The following CFAP20DC variants were observed in gnomAD, a reference collection of about 807,000 sequenced individuals.
CFAP20DC encodes the protein protein CFAP20DC.
A neutral mutation model predicts 101.7 loss-of-function variants in CFAP20DC; 84 were observed. The observed-to-expected ratio is 0.83, with a 90% CI of 0.69 to 0.99. CFAP20DC has a LOEUF of 0.99. Among genes scored for constraint, CFAP20DC ranks in the 50% least tolerant of loss-of-function variants. CFAP20DC has a pLI of 0.00. For synonymous variants in CFAP20DC, 359 were observed against 351.2 expected (o/e 1.02, Z -0.25); for missense variants, 1,007 against 970.3 (o/e 1.04, Z -0.50).
rs561510095 is a variant in CFAP20DC at position 58,917,828 on chromosome 3, G to A, written c.394-3964C>T. The stretch of plus-strand genomic sequence containing the variant: ...AATTTCCCTAGGAAAAGCAAATCAT[G>A]ACAAGTCCTTCTATGGAGAGAGGAG... On this transcript the variant is annotated intron_variant, in intron 5 of 16. Coordinates refer to ENST00000482387, the MANE Select transcript of CFAP20DC (RefSeq NM_001394063.1). Among the ~76,000 whole-genome samples the A allele has an allele frequency of 2.0e-4, 31 of 152,262 alleles. No homozygotes were observed. In the South Asian group the frequency reaches 5.2e-3, roughly 25 times the overall value.
At chr3:58,891,216 G>C (rs1301535362) in intron 6 of CFAP20DC, among the ~76,000 whole-genome samples, 2 of 151,932 alleles carry the variant, frequency 1.3e-5, no homozygotes, top group Non-Finnish European at 2.9e-5. Context: ...CGCGGTTAGG[G>C]GCTGGAGACC....
At chr3:58,947,343 T>C (rs1327875775) in intron 4 of CFAP20DC, among the ~76,000 whole-genome samples, 1 of 152,212 alleles carries the variant, frequency 6.6e-6, no homozygotes, top group African/African-American at 2.4e-5. Flanking sequence ...TTGCAGGATA[T>C]ACCTGATACG....
intron 7 of CFAP20DC, among the ~76,000 whole-genome samples, chr3:58,880,836 G>A (rs1379859570): frequency 4.6e-5 from 7 of 152,048 alleles, no homozygotes; most frequent in East Asian, 1.9e-4. Flanking sequence ...TGATTCAAAC[G>A]TAAGAGATGA....
At chr3:58,813,156 A>G (rs886743603) in intron 14 of CFAP20DC, among the ~76,000 whole-genome samples, 1 of 151,888 alleles carries the variant, frequency 6.6e-6, no homozygotes, top group Non-Finnish European at 1.5e-5. Flanking sequence ...CAATAAGCTG[A>G]AAAAAATGAT....
intron 5 of CFAP20DC, among the ~76,000 whole-genome samples, chr3:58,915,140 G>C (rs749016690): frequency 1.3e-4 from 20 of 152,160 alleles, no homozygotes; most frequent in Admixed American, 7.2e-4. Flanking sequence ...AATATTTTGA[G>C]GTGGGAGATG....
rs2091919324 is a variant in CFAP20DC at position 58,971,060 on chromosome 3, A to G, written c.279-33298T>C. Among the ~76,000 whole-genome samples, 1 of 152,214 alleles carries G rather than the reference A, an allele frequency of 6.6e-6. No individual in the cohort carries two copies. Among genetic ancestry groups the G allele is most frequent in the African/African-American group, 2.4e-5 (1 of 41,458 alleles). On this transcript the variant is annotated intron_variant, in intron 4 of 16. Transcript: ENST00000482387. The surrounding 1 kb of genome is among the most constrained non-coding windows in gnomAD (Gnocchi z 4.1). ...ATACACTTTGCCATAAATTGACAAC[A>G]AATTCACCCTTCATTTTAGGAGATA...
At chr3:58,900,139 TA>T (rs770137766) in intron 6 of CFAP20DC, among the ~76,000 whole-genome samples, 1 of 152,130 alleles carries the variant, frequency 6.6e-6, no homozygotes, top group Non-Finnish European at 1.5e-5. Context: ...GTGAAAGGAA[TA>T]GATCATCGAA....
intron 5 of CFAP20DC, among the ~76,000 whole-genome samples, chr3:58,921,925 T>A (rs1352025031): frequency 6.6e-6 from 1 of 152,218 alleles, no homozygotes; most frequent in Non-Finnish European, 1.5e-5. Context: ...TCTTCATCAT[T>A]TAACCTCCTT....
chr3:58,902,017 T>G (rs918515695), intron 6 of CFAP20DC, among the ~76,000 whole-genome samples: 1 of 152,242 alleles, frequency 6.6e-6, no homozygotes, highest in Non-Finnish European at 1.5e-5. Flanking sequence ...ATACATTATG[T>G]GACCTTTTTT....
At chr3:58,848,616 G>A (rs2077941679) in intron 13 of CFAP20DC, among the ~76,000 whole-genome samples, 1 of 152,262 alleles carries the variant, frequency 6.6e-6, no homozygotes, top group Middle Eastern at 3.4e-3. Flanking sequence ...GGGAACTGCT[G>A]TAGAAAGTGA....
chr3:58,755,576 T>C (rs1485269862), intron 15 of CFAP20DC, among the ~76,000 whole-genome samples: 1 of 152,174 alleles, frequency 6.6e-6, no homozygotes, highest in East Asian at 1.9e-4. Flanking sequence ...GGGAGTTGTG[T>C]GAATGTTACG....
intron 13 of CFAP20DC, among the ~76,000 whole-genome samples, chr3:58,842,900 C>A (rs915143313): frequency 6.6e-6 from 1 of 152,210 alleles, no homozygotes; most frequent in Non-Finnish European, 1.5e-5. Context: ...CCAGCAGGGG[C>A]ACACTGACAC....
chr3:58,775,902 T>C (rs2071296330), intron 15 of CFAP20DC, among the ~76,000 whole-genome samples: 2 of 151,982 alleles, frequency 1.3e-5, no homozygotes, highest in African/African-American at 4.8e-5. Context: ...TGCACCACCA[T>C]GCCTGGCTAA....
chr3:58,744,923 T>C (rs2068091259), intron 16 of CFAP20DC, among the ~76,000 whole-genome samples: 1 of 152,194 alleles, frequency 6.6e-6, no homozygotes, highest in South Asian at 2.1e-4. Context: ...GATCCAATGA[T>C]CCCTGTAGTG....
At chr3:58,989,354 G>A (rs1368070833) in intron 4 of CFAP20DC, among the ~76,000 whole-genome samples, 1 of 152,066 alleles carries the variant, frequency 6.6e-6, no homozygotes, top group African/African-American at 2.4e-5. Flanking sequence ...GTAAGAACAT[G>A]CTGTTTTTAG....
At chr3:58,896,858 C>G (rs1022183562) in intron 6 of CFAP20DC, among the ~76,000 whole-genome samples, 9 of 152,106 alleles carry the variant, frequency 5.9e-5, no homozygotes, top group Non-Finnish European at 1.2e-4. Flanking sequence ...AATGTATACT[C>G]TGTTGTTTCT....
rs1422349318 is a variant in CFAP20DC at position 58,971,813 on chromosome 3, T to C, written c.279-34051A>G. On this transcript the variant is annotated intron_variant, in intron 4 of 16. Coordinates refer to ENST00000482387, the MANE Select transcript of CFAP20DC (RefSeq NM_001394063.1). The surrounding 1 kb of genome is among the most constrained non-coding windows in gnomAD (Gnocchi z 4.1). ...ACCAAATGCCAAAAAGTGTGAATGG[T>C]ATGATTCCACTTGTGGGAAAAAGGA... 6.6e-6 allele frequency among the ~76,000 whole-genome samples: 1 copy of C among 151,842 alleles called. No individual in the cohort carries two copies. The highest frequency in any genetic ancestry group is 1.5e-5 in the Non-Finnish European group (1 of 67,952).
intron 4 of CFAP20DC, among the ~76,000 whole-genome samples, chr3:58,940,261 T>C (rs1410671610): frequency 1.3e-5 from 2 of 152,252 alleles, no homozygotes; most frequent in Admixed American, 6.5e-5. Context: ...CCTATCCTAC[T>C]GGAGCCTCTA....
chr3:58,884,430 G>C (rs778649258), intron 7 of CFAP20DC, 115 bp downstream of exon 7: 11 of 940,414 alleles, frequency 1.2e-5, no homozygotes, highest in Non-Finnish European at 1.8e-5. Context: ...AGTATACTCT[G>C]TTAAGTGCGA....
Sources: gnomAD v4.1 joint callset for allele counts (sites outside exome capture counted in the v4.1 genomes callset) on GRCh38, gnomAD v4.1.1 for gene constraint, Gnocchi (gnomAD v3.1) non-coding constraint, MANE v1.5 for transcripts, NCBI Gene and HGNC (gene_info 2026-07-23, HGNC 2026-07-21) for gene names.